The following KCTD21 variants were observed in gnomAD, a reference collection of about 807,000 sequenced individuals.
The protein encoded by KCTD21 is potassium channel tetramerization domain containing 21.
KCTD21 carries 9 observed loss-of-function variants against 13.2 expected under a neutral mutation model. The observed-to-expected ratio is 0.68, with a 90% CI of 0.41 to 1.19. The LOEUF (loss-of-function observed/expected upper bound fraction) is 1.19. KCTD21 is among the 50% of genes most tolerant of loss of function. The pLI, the probability that KCTD21 is intolerant of heterozygous loss-of-function variation, is 0.01. For missense variants in KCTD21, 303 were observed against 336.5 expected (o/e 0.90, Z 0.78); for synonymous variants, 142 against 137.4 (o/e 1.03, Z -0.23).
Position 78,172,518 on chromosome 11 carries a change from A to C in KCTD21, c.*1254T>G, listed in dbSNP as rs971931809. ...GTCACAAACGAGGTGAAGCTACAAC[A>C]AAAGGGGACTGACTTACAGGGGATA... On this transcript the variant is annotated 3_prime_UTR_variant, in exon 2 of 2. Coordinates refer to ENST00000340067, the MANE Select transcript of KCTD21 (RefSeq NM_001029859.3). 2.0e-5 allele frequency: 3 copies of C among 152,174 alleles called. No individual in the cohort carries two copies. Among genetic ancestry groups the C allele is most frequent in the Non-Finnish European group, 4.4e-5 (3 of 68,034 alleles). The allele number at this position is 152,174 out of a possible 1,614,324, so 9.4% of individuals were successfully genotyped here. A position where few individuals can be genotyped will look rare whatever the true frequency, so the allele number is the denominator to read the frequency against.
intron 1 of KCTD21, chr11:78,187,335 T>C (rs1862811892): frequency 1.0e-6 from 1 of 985,278 alleles, no homozygotes; most frequent in Non-Finnish European, 1.2e-6. Context: ...TCCATATCTC[T>C]AAGAAATCCG....
Position 78,174,216 on chromosome 11 carries a change from G to A in KCTD21, c.339C>T (p.Asn113=), listed in dbSNP as rs760710763. The change falls in exon 2 of 2, where the codon AAC becomes AAT. Residue 113 remains asparagine (N), a synonymous_variant. Coordinates refer to ENST00000340067, the MANE Select transcript of KCTD21 (RefSeq NM_001029859.3). ...LSKAEKNAML[N]ITLNQRVQTV... Reference sequence around the variant, plus strand: ...TCTGCACACGCTGGTTCAGTGTGATGTTGAGCATGGCATTCTTCTCGGCCT... The same window carrying A: ...TCTGCACACGCTGGTTCAGTGTGATATTGAGCATGGCATTCTTCTCGGCCT... 1 of 1,614,096 alleles carries A rather than the reference G, an allele frequency of 6.2e-7. No individual in the cohort carries two copies. Among genetic ancestry groups the A allele is most frequent in the Non-Finnish European group, 8.5e-7 (1 of 1,180,024 alleles).
At chr11:78,181,492 G>A (rs1259044342) in intron 1 of KCTD21, among the ~76,000 whole-genome samples, 1 of 152,196 alleles carries the variant, frequency 6.6e-6, no homozygotes, top group Non-Finnish European at 1.5e-5. Flanking sequence ...TGAATTCTTG[G>A]GGCTGGGTTG....
intron 1 of KCTD21, chr11:78,188,260 C>T (rs1237151025): frequency 1.0e-6 from 1 of 984,334 alleles, no homozygotes; most frequent in Non-Finnish European, 1.2e-6. Context: ...CCTAGAGATC[C>T]CGCCTCTCCT....
chr11:78,188,219 C>T (rs1001266610), intron 1 of KCTD21: 8 of 984,862 alleles, frequency 8.1e-6, no homozygotes, highest in Non-Finnish European at 8.4e-6. Context: ...CCTACAGCCC[C>T]CACTCCGACC....
chr11:78,175,453 C>A (rs146394964), intron 1 of KCTD21: 2 of 152,166 alleles, frequency 1.3e-5, no homozygotes, highest in African/African-American at 4.8e-5. Context: ...AAGTGCCTTG[C>A]CAGGATTCAA....
intron 1 of KCTD21, chr11:78,188,172 C>A (rs1164963620): frequency 1.0e-6 from 1 of 985,384 alleles, no homozygotes; most frequent in Non-Finnish European, 1.2e-6. Flanking sequence ...CTCACCCAGG[C>A]TGGCCTCATC....
intron 1 of KCTD21, among the ~76,000 whole-genome samples, chr11:78,177,401 G>C (rs1462437234): frequency 6.6e-6 from 1 of 152,200 alleles, no homozygotes; most frequent in Non-Finnish European, 1.5e-5. Context: ...CGGTGGGGAG[G>C]TCCCACAGAG....
intron 1 of KCTD21, chr11:78,186,987 C>T: frequency 1.0e-6 from 1 of 985,434 alleles, no homozygotes; most frequent in Non-Finnish European, 1.2e-6. Context: ...ATTTTCCCCA[C>T]CTGGATTTTC....
At chr11:78,182,680 T>C (rs957227894) in intron 1 of KCTD21, among the ~76,000 whole-genome samples, 3 of 152,178 alleles carry the variant, frequency 2.0e-5, no homozygotes, top group Non-Finnish European at 4.4e-5. Flanking sequence ...GTGAATCCCT[T>C]GCCCAGGGCT....
intron 1 of KCTD21, among the ~76,000 whole-genome samples, chr11:78,181,183 C>A (rs995806819): frequency 5.3e-5 from 8 of 152,014 alleles, no homozygotes; most frequent in African/African-American, 1.7e-4. Flanking sequence ...GTATTTATGC[C>A]GGAGAAATGG....
At chr11:78,188,530 C>G in intron 1 of KCTD21, 43 bp downstream of exon 1, 1 of 985,498 alleles carries the variant, frequency 1.0e-6, no homozygotes, top group Non-Finnish European at 1.2e-6. Context: ...GTACCCTCGC[C>G]GGTAGTCCCC....
intron 1 of KCTD21, chr11:78,187,154 A>T (rs369493036): frequency 4.1e-6 from 4 of 985,288 alleles, no homozygotes; most frequent in East Asian, 1.1e-4. Flanking sequence ...CAAAAAAGAC[A>T]ATGCTCAGAG....
chr11:78,187,064 C>A (rs956126957), intron 1 of KCTD21: 1 of 985,404 alleles, frequency 1.0e-6, no homozygotes, highest in Non-Finnish European at 1.2e-6. Context: ...TGTGACAAGG[C>A]CGAGGTGATT....
intron 1 of KCTD21, among the ~76,000 whole-genome samples, chr11:78,180,922 T>G (rs1862598881): frequency 6.6e-6 from 1 of 152,150 alleles, no homozygotes; most frequent in Non-Finnish European, 1.5e-5. Context: ...AGAGATCTGA[T>G]GGTTTTATAA....
rs1862815129 is a variant in KCTD21 at position 78,187,391 on chromosome 11, G to A, written c.-30+1182C>T. On this transcript the variant is annotated intron_variant, in intron 1 of 1. Transcript: ENST00000340067. Reference sequence around the variant, plus strand: ...ACAACCCATAGGGAGGAGAGAAAAGGTGCTTCCTAGACACAGGGACCCCAG... The same window carrying A: ...ACAACCCATAGGGAGGAGAGAAAAGATGCTTCCTAGACACAGGGACCCCAG... 11 of 985,234 alleles carry A rather than the reference G, an allele frequency of 1.1e-5. No homozygotes were observed. The South Asian group carries it at 1.4e-4, about 13-fold the overall frequency. 61.0% of individuals were successfully genotyped at this position (985,234 alleles called of 1,614,324 possible).
Position 78,172,290 on chromosome 11 carries a change from G to C in KCTD21, c.*1482C>G, listed in dbSNP as rs1455745371. 1 of 152,400 alleles carries C rather than the reference G, an allele frequency of 6.6e-6. No individual in the cohort carries two copies. Among genetic ancestry groups the C allele is most frequent in the Admixed American group, 6.5e-5 (1 of 15,274 alleles). The allele number at this position is 152,400 out of a possible 1,614,324, so 9.4% of individuals were successfully genotyped here. ...CTGCAGGGGAAGGCCGCCTTCCTGA[G>C]GGCAGGGTCTTAGGGGCCGCACATT... On this transcript the variant is annotated 3_prime_UTR_variant, in exon 2 of 2. Coordinates refer to ENST00000340067, the MANE Select transcript of KCTD21 (RefSeq NM_001029859.3).
intron 1 of KCTD21, chr11:78,188,309 C>T: frequency 1.0e-6 from 1 of 985,066 alleles, no homozygotes; most frequent in Non-Finnish European, 1.2e-6. Context: ...AGTCCCGACC[C>T]TCATTATCCG....
intron 1 of KCTD21, among the ~76,000 whole-genome samples, chr11:78,185,153 G>A (rs1222533415): frequency 6.6e-6 from 1 of 152,148 alleles, no homozygotes; most frequent in Non-Finnish European, 1.5e-5. Context: ...GAAGAATTTA[G>A]GGGTCAAACG....
Sources: gnomAD v4.1 joint callset for allele counts (sites outside exome capture counted in the v4.1 genomes callset) on GRCh38, gnomAD v4.1.1 for gene constraint, MANE v1.5 for transcripts, NCBI Gene and HGNC (gene_info 2026-07-23, HGNC 2026-07-21) for gene names.